IL21R: variants seen among roughly 807,000 people sequenced by gnomAD.
IL21R encodes the protein interleukin-21 receptor.
In IL21R, 14 loss-of-function variants were observed where a neutral mutation model predicts 41.3. The observed-to-expected ratio is 0.34, with a 90% CI of 0.22 to 0.53. IL21R has a LOEUF of 0.53. Ranked by LOEUF, IL21R falls within the 20% of genes least tolerant of loss-of-function variation. The pLI, the probability that IL21R is intolerant of heterozygous loss-of-function variation, is 0.94. For synonymous variants in IL21R, 286 were observed against 287.6 expected, an observed-to-expected ratio of 0.99 and a Z score of 0.05; for missense variants, 588 against 681.6, an observed-to-expected ratio of 0.86 and a Z score of 1.53.
chr16:27,403,453 TG>T (rs1567352695), intron 1 of IL21R, among the ~76,000 whole-genome samples: 1 of 152,036 alleles, frequency 6.6e-6, no homozygotes, highest in African/African-American at 2.4e-5. Flanking sequence ...TGTGATTCCC[TG>T]GGGGGAGAGT....
At chr16:27,428,855 G>A (rs1479561697) in intron 1 of IL21R, among the ~76,000 whole-genome samples, 1 of 152,150 alleles carries the variant, frequency 6.6e-6, no homozygotes, top group African/African-American at 2.4e-5. Flanking sequence ...CTCATTATTG[G>A]GCTAACCTTA....
At chr16:27,431,983 G>T (rs2087181459) in intron 2 of IL21R, among the ~76,000 whole-genome samples, 1 of 152,152 alleles carries the variant, frequency 6.6e-6, no homozygotes, top group African/African-American at 2.4e-5. Flanking sequence ...CCCCCAGAGG[G>T]GACACACGCT....
rs549893562 is a variant in IL21R, at chr16:27,451,148, C to T, written c.*1865C>T. On this transcript the variant is annotated 3_prime_UTR_variant, in exon 9 of 9. Transcript: ENST00000337929. ...CCCTCAACACCCCGTGCACCTGCAC[C>T]CTAGGGACTCTTGGGTCCAGATGTG... The T allele has an allele frequency of 6.5e-5, 15 of 229,122 alleles. No homozygotes were observed. Among genetic ancestry groups the T allele is most frequent in the Admixed American group, 2.3e-4 (4 of 17,616 alleles). The allele number at this position is 229,122 out of a possible 1,614,324, so 14.2% of individuals were successfully genotyped here.
chr16:27,444,665 C>G lies in IL21R; in HGVS notation c.631C>G (p.Gln211Glu). 6.4e-7 allele frequency: 1 copy of G among 1,574,414 alleles called. No individual in the cohort carries two copies. The highest frequency in any genetic ancestry group is 8.6e-7 in the Non-Finnish European group (1 of 1,160,524). ...RAGPMPGSSY[Q>E]GTWSEWSDPV... ...AGGGCCCATGCCTGGCTCCTCCTAC[C>G]AGGGGACCTGGAGTGAATGGAGTGA... The change falls in exon 6 of 9, where the codon CAG (glutamine) becomes GAG (glutamate). Residue 211 changes from glutamine to glutamate, a missense_variant. Physicochemically the swap from Gln to Glu is conservative, Grantham distance 29. Transcript: ENST00000337929.
intron 1 of IL21R, among the ~76,000 whole-genome samples, chr16:27,420,867 A>T (rs1390302877): frequency 2.6e-5 from 4 of 152,212 alleles, no homozygotes; most frequent in Non-Finnish European, 5.9e-5. Context: ...TGTCATATTT[A>T]AAAAACTATT....
At position 27,450,232 on chromosome 16, in the gene IL21R, C is replaced by T. The variant is rs901528331; in HGVS notation, c.*949C>T. ...TCTCTTGGAAACAGCTCCCCACCAA[C>T]CAAGATTTCTTTTTCTAACTTCTGC... On this transcript the variant is annotated 3_prime_UTR_variant, in exon 9 of 9. Transcript: ENST00000337929. The T allele has an allele frequency of 4.3e-6, 1 of 232,794 alleles. No homozygotes were observed. The highest frequency in any genetic ancestry group is 8.5e-6 in the Non-Finnish European group (1 of 117,824). The allele number at this position is 232,794 out of a possible 1,614,324, so 14.4% of individuals were successfully genotyped here. A position where few individuals can be genotyped will look rare whatever the true frequency, so the allele number is the denominator to read the frequency against.
At chr16:27,432,785 T>C (rs1239678451) in intron 2 of IL21R, among the ~76,000 whole-genome samples, 3 of 152,188 alleles carry the variant, frequency 2.0e-5, no homozygotes, top group Admixed American at 2.0e-4. Flanking sequence ...TTTACTTCCA[T>C]GACTCAGATC....
intron 4 of IL21R, among the ~76,000 whole-genome samples, chr16:27,438,926 C>CA (rs2087320973): frequency 7.0e-6 from 1 of 143,542 alleles, no homozygotes; most frequent in South Asian, 2.2e-4. Context: ...GTGGCTTTGG[C>CA]ATGGTGTGTG....
intron 1 of IL21R, among the ~76,000 whole-genome samples, chr16:27,421,126 T>C (rs988633811): frequency 6.6e-6 from 1 of 152,132 alleles, no homozygotes; most frequent in African/African-American, 2.4e-5. Context: ...CATAAATATA[T>C]GCACTTCTTT....
At position 27,449,298 on chromosome 16, in the gene IL21R, T is replaced by G; in HGVS notation, c.*15T>G. 1.3e-6 allele frequency: 2 copies of G among 1,571,676 alleles called. No homozygotes were observed. Among genetic ancestry groups the G allele is most frequent in the Admixed American group, 3.5e-5 (2 of 56,728 alleles). ...AGGCCAGCTAATGAGGCTGACTGGATGTCCAGAGCTGGCCAGGCCACTGGG... is the reference window on the plus strand; with the variant it reads ...AGGCCAGCTAATGAGGCTGACTGGAGGTCCAGAGCTGGCCAGGCCACTGGG... On this transcript the variant is annotated 3_prime_UTR_variant, in exon 9 of 9. Coordinates refer to ENST00000337929, the MANE Select transcript of IL21R (RefSeq NM_181078.3).
Position 27,446,076 on chromosome 16 carries a change from C to T in IL21R, c.855C>T (p.Ser285=), listed in dbSNP as rs374663077. ...RFFMPLYKGC[S]GDFKKWVGAP... ...TCATGCCCCTGTACAAGGGCTGCAG[C>T]GGAGACTTCAAGGTGAGCTCCCGAC... The change falls in exon 8 of 9, where the codon AGC becomes AGT. Residue 285 remains serine (S), a synonymous_variant. Transcript: ENST00000337929. 1.9e-5 allele frequency: 31 copies of T among 1,613,376 alleles called. No individual in the cohort carries two copies. Among genetic ancestry groups the T allele is most frequent in the African/African-American group, 9.3e-5 (7 of 74,868 alleles).
At chr16:27,424,830 T>C (rs2087049481) in intron 1 of IL21R, among the ~76,000 whole-genome samples, 1 of 152,154 alleles carries the variant, frequency 6.6e-6, no homozygotes, top group African/African-American at 2.4e-5. Flanking sequence ...TGGCTCATGG[T>C]TCTGCAGGCT....
intron 4 of IL21R, among the ~76,000 whole-genome samples, chr16:27,439,704 T>C (rs1026684062): frequency 3.3e-5 from 5 of 152,162 alleles, no homozygotes; most frequent in Non-Finnish European, 4.4e-5. Context: ...TCCTTGCCAC[T>C]TGTCTTGCAG....
In IL21R at chr16:27,444,595, C is replaced by A. The variant is rs769244619; in HGVS notation, c.561C>A (p.Pro187=). The stretch of plus-strand genomic sequence containing the variant: ...ACTCAAGAAGTGTCTCCCTCCTCCC[C>A]CTGGAGTTCCGCAAAGACTCGAGCT... ...SVDSRSVSLL[P]LEFRKDSSYE... The change falls in exon 6 of 9, where the codon CCC becomes CCA. Residue 187 remains proline, a synonymous_variant. Coordinates refer to ENST00000337929, the MANE Select transcript of IL21R (RefSeq NM_181078.3). 6.3e-7 allele frequency: 1 copy of A among 1,578,308 alleles called. No homozygotes were observed.
intron 4 of IL21R, among the ~76,000 whole-genome samples, chr16:27,442,230 G>A (rs550538601): frequency 3.5e-5 from 4 of 115,610 alleles, no homozygotes; most frequent in South Asian, 6.7e-4. Context: ...GCATGCATGT[G>A]TGTGGGTGTG....
chr16:27,424,730 T>C (rs2087048162), intron 1 of IL21R, among the ~76,000 whole-genome samples: 2 of 151,988 alleles, frequency 1.3e-5, no homozygotes, highest in African/African-American at 4.8e-5. Context: ...ACTGCAGAGG[T>C]TGGGTGCTGC....
chr16:27,448,492 C>A, intron 8 of IL21R, 42 bp from the exon 9 acceptor site: 2 of 1,541,564 alleles, frequency 1.3e-6, no homozygotes, highest in Non-Finnish European at 1.7e-6. Context: ...CCTCACCTTA[C>A]CCTCATCCTG....
chr16:27,444,309 G>A (rs1270579348), intron 5 of IL21R, among the ~76,000 whole-genome samples: 1 of 152,040 alleles, frequency 6.6e-6, no homozygotes, highest in Non-Finnish European at 1.5e-5. Flanking sequence ...GGCTGAATTG[G>A]ATCAAAGAGA....
At chr16:27,414,860 G>A (rs797011738) in intron 1 of IL21R, among the ~76,000 whole-genome samples, 21 of 152,074 alleles carry the variant, frequency 1.4e-4, no homozygotes, top group African/African-American at 5.1e-4. Context: ...ACTTTTTTCT[G>A]CACCAAAATA....
Sources: gnomAD v4.1 joint callset for allele counts (sites outside exome capture counted in the v4.1 genomes callset) on GRCh38, gnomAD v4.1.1 for gene constraint, MANE v1.5 for transcripts, NCBI Gene and HGNC (gene_info 2026-07-23, HGNC 2026-07-21) for gene names.